The following CDH12 variants were observed in gnomAD, a reference collection of about 807,000 sequenced individuals.
CDH12 encodes cadherin 12.
In CDH12, 41 loss-of-function variants were observed where a neutral mutation model predicts 74.1. The ratio of observed to expected loss-of-function variants is 0.55; its 90% CI spans 0.43 to 0.72. The LOEUF (loss-of-function observed/expected upper bound fraction) is 0.72. CDH12 is among the 30% of genes least tolerant of loss of function. CDH12 has a pLI of 0.00. For synonymous variants in CDH12, 399 were observed against 355.0 expected (o/e 1.12, Z -1.39); for missense variants, 945 against 977.2 (o/e 0.97, Z 0.44).
rs532355654 is a variant in CDH12, at chr5:22,014,443, G to A, written c.232-39058C>T. The stretch of plus-strand genomic sequence containing the variant: ...AGTATATATAAATGTATACTCATAC[G>A]CATAACTCAGATGTATGCAAAGGCT... On this transcript the variant is annotated intron_variant, in intron 5 of 14. Coordinates refer to ENST00000382254, the MANE Select transcript of CDH12 (RefSeq NM_004061.5). Among the ~76,000 whole-genome samples the A allele has an allele frequency of 1.5e-4, 23 of 151,978 alleles. No individual in the cohort carries two copies. The East Asian group carries it at 1.5e-3, about 10-fold the overall frequency.
chr5:22,082,696 CAT>C (rs1742821760), intron 4 of CDH12, among the ~76,000 whole-genome samples: 1 of 152,180 alleles, frequency 6.6e-6, no homozygotes, highest in African/African-American at 2.4e-5. Flanking sequence ...TTCACCAACA[CAT>C]AAACAGTTTG....
chr5:22,598,308 G>A (rs1736696147), intron 1 of CDH12, among the ~76,000 whole-genome samples: 1 of 152,208 alleles, frequency 6.6e-6, no homozygotes, highest in Non-Finnish European at 1.5e-5. Flanking sequence ...CATGTGTCAA[G>A]GGCAGGACCA....
At chr5:22,082,894 A>G (rs1007688245) in intron 4 of CDH12, among the ~76,000 whole-genome samples, 2 of 152,116 alleles carry the variant, frequency 1.3e-5, no homozygotes, top group Non-Finnish European at 2.9e-5. Context: ...ATTTTTATGC[A>G]TTTCTCTCTC....
At chr5:22,487,620 T>C (rs529811493) in intron 2 of CDH12, among the ~76,000 whole-genome samples, 5 of 152,190 alleles carry the variant, frequency 3.3e-5, no homozygotes, top group African/African-American at 1.2e-4. Context: ...GTCTAGGAGC[T>C]GTAAAAATGT....
chr5:22,109,294 G>C (rs1744678973), intron 4 of CDH12, among the ~76,000 whole-genome samples: 1 of 152,146 alleles, frequency 6.6e-6, no homozygotes, highest in South Asian at 2.1e-4. Context: ...TTGGGAGATA[G>C]AGATAACATC....
chr5:21,966,901 A>G (rs576412754), intron 6 of CDH12, among the ~76,000 whole-genome samples: 1 of 152,114 alleles, frequency 6.6e-6, no homozygotes, highest in Non-Finnish European at 1.5e-5. Context: ...GTCACACTGG[A>G]TGATTTCCAG....
intron 2 of CDH12, among the ~76,000 whole-genome samples, chr5:22,488,898 A>G (rs540213763): frequency 6.6e-6 from 1 of 151,934 alleles, no homozygotes; most frequent in South Asian, 2.1e-4. Flanking sequence ...CCCTGTTTCT[A>G]GAGAACTGTG....
Position 22,532,375 on chromosome 5 carries a change from A to ATATATG in CDH12, c.-522-27012_-522-27011insCATATA, listed in dbSNP as rs1178546849. On this transcript the variant is annotated intron_variant, in intron 1 of 14. Transcript: ENST00000382254. Reference sequence around the variant, plus strand: ...GATATATATATATATATATATATATATATGTATGTATCCTATTTTGCTCCT... The same window carrying ATATATG: ...GATATATATATATATATATATATATATATATGTATGTATGTATCCTATTTTGCTCCT... 1.5e-4 allele frequency among the ~76,000 whole-genome samples: 11 copies of ATATATG among 75,846 alleles called. 1 individual carries two copies. Among genetic ancestry groups the ATATATG allele is most frequent in the African/African-American group, 5.0e-4 (11 of 22,016 alleles). 49.8% of individuals were successfully genotyped at this position (75,846 alleles called of 152,430 possible).
chr5:22,098,713 G>T (rs1743951885), intron 4 of CDH12, among the ~76,000 whole-genome samples: 1 of 151,994 alleles, frequency 6.6e-6, no homozygotes, highest in Non-Finnish European at 1.5e-5. Context: ...CATTATTCCT[G>T]ATACCACACC....
chr5:22,708,669 TG>T (rs1223021383), intron 1 of CDH12, among the ~76,000 whole-genome samples: 1 of 152,098 alleles, frequency 6.6e-6, no homozygotes, highest in Non-Finnish European at 1.5e-5. Context: ...TTATTTAGGC[TG>T]GATTTGATAA....
chr5:21,790,874 C>T (rs1746455977), intron 10 of CDH12, among the ~76,000 whole-genome samples: 1 of 152,000 alleles, frequency 6.6e-6, no homozygotes, highest in Admixed American at 6.6e-5. Flanking sequence ...CTATGAAGCT[C>T]CCACACAAAC....
chr5:21,810,069 T>C (rs1437100048), intron 9 of CDH12, among the ~76,000 whole-genome samples: 3 of 152,082 alleles, frequency 2.0e-5, no homozygotes, highest in Non-Finnish European at 4.4e-5. Context: ...GACATCGCAA[T>C]GATTTTGCTG....
intron 3 of CDH12, among the ~76,000 whole-genome samples, chr5:22,262,142 A>C (rs1753538402): frequency 6.6e-6 from 1 of 151,676 alleles, no homozygotes; most frequent in South Asian, 2.1e-4. Flanking sequence ...TTATACTTTA[A>C]GTTTTAGGGT....
chr5:22,511,385 T>A (rs1736599913), intron 1 of CDH12, among the ~76,000 whole-genome samples: 1 of 152,032 alleles, frequency 6.6e-6, no homozygotes, highest in African/African-American at 2.4e-5. Flanking sequence ...ATTAAGAATG[T>A]CAACAATCAA....
intron 2 of CDH12, among the ~76,000 whole-genome samples, chr5:22,450,433 T>C (rs568138131): frequency 6.6e-6 from 1 of 152,032 alleles, no homozygotes; most frequent in South Asian, 2.1e-4. Flanking sequence ...TCCCCCTTTA[T>C]CCAGTTGCTG....
chr5:21,781,800 T>G (rs891258436), intron 11 of CDH12, among the ~76,000 whole-genome samples: 2 of 151,970 alleles, frequency 1.3e-5, no homozygotes, highest in Non-Finnish European at 2.9e-5. Flanking sequence ...TTTTAAAAAT[T>G]TTCCTTTCCT....
In CDH12 at chr5:22,397,456, G is replaced by GTT. The variant is rs55937701; in HGVS notation, c.-333+7799_-333+7800dup. On this transcript the variant is annotated intron_variant, in intron 3 of 14. Transcript: ENST00000382254. ...TGAAACTAATTGCAATTGATTCCAG[G>GTT]TTTTTTTTTTTTTTTTCTTTTGGAA... Among the ~76,000 whole-genome samples the GTT allele has an allele frequency of 7.2e-3, 1,005 of 140,366 alleles. 9 individuals are homozygous for GTT. Among genetic ancestry groups the GTT allele is most frequent in the African/African-American group, 0.024 (940 of 38,458 alleles). The allele number at this position is 140,366 out of a possible 152,430, so 92.1% of individuals were successfully genotyped here. A position where few individuals can be genotyped will look rare whatever the true frequency, so the allele number is the denominator to read the frequency against.
At chr5:21,885,665 T>A (rs1752591466) in intron 6 of CDH12, among the ~76,000 whole-genome samples, 2 of 152,352 alleles carry the variant, frequency 1.3e-5, no homozygotes, top group African/African-American at 4.8e-5. Flanking sequence ...TAAGCAGTCA[T>A]CCTTTGCCAG....
chr5:21,807,115 G>T (rs190843820), intron 9 of CDH12, among the ~76,000 whole-genome samples: 118 of 152,210 alleles, frequency 7.8e-4, no homozygotes, highest in African/African-American at 2.7e-3. Context: ...TCTAAGATTG[G>T]TCTTTTGAGA....
Sources: allele counts gnomAD v4.1 joint callset (sites outside exome capture counted in the v4.1 genomes callset), GRCh38; gene constraint gnomAD v4.1.1; transcripts MANE v1.5; gene names NCBI Gene and HGNC (gene_info 2026-07-23, HGNC 2026-07-21).